RSPO2: variants seen among roughly 807,000 people sequenced by gnomAD.
RSPO2 encodes the protein R-spondin 2.
RSPO2 carries 14 observed loss-of-function variants against 30.9 expected under a neutral mutation model. That is an observed-to-expected ratio of 0.45 (90% confidence interval 0.30 to 0.71). RSPO2 has a LOEUF of 0.71. RSPO2 is among the 30% of genes least tolerant of loss of function. RSPO2 has a pLI of 0.08. For missense variants in RSPO2, 264 were observed against 301.9 expected, an observed-to-expected ratio of 0.87 and a Z score of 0.93; for synonymous variants, 107 against 96.4, an observed-to-expected ratio of 1.11 and a Z score of -0.64.
At chr8:107,985,383 A>G (rs1814587500) in intron 3 of RSPO2, among the ~76,000 whole-genome samples, 2 of 152,180 alleles carry the variant, frequency 1.3e-5, no homozygotes, top group South Asian at 4.1e-4. Context: ...ACTGCTTATA[A>G]TCATGAAAAA....
intron 5 of RSPO2, among the ~76,000 whole-genome samples, chr8:107,948,867 A>AAATAAATG (rs1813150318): frequency 3.0e-5 from 1 of 33,682 alleles, no homozygotes; most frequent in Non-Finnish European, 1.2e-4. Flanking sequence ...CTCAAAAAAA[A>AAATAAATG]AATAAATAAA....
chr8:108,072,980 A>G (rs1812904780), intron 2 of RSPO2: 1 of 152,248 alleles, frequency 6.6e-6, no homozygotes, highest in Non-Finnish European at 1.5e-5. Flanking sequence ...AAAATAAAAT[A>G]AAACCCACTG....
chr8:107,961,202 T>A (rs1813614571), intron 3 of RSPO2, among the ~76,000 whole-genome samples: 1 of 152,200 alleles, frequency 6.6e-6, no homozygotes, highest in South Asian at 2.1e-4. Context: ...AACACTGTAA[T>A]AAGTGTTTGT....
intron 5 of RSPO2, among the ~76,000 whole-genome samples, chr8:107,954,874 G>A (rs962460311): frequency 6.6e-6 from 1 of 151,446 alleles, no homozygotes; most frequent in Non-Finnish European, 1.5e-5. Flanking sequence ...CTCCCAAAAT[G>A]CTGGGATTAC....
intron 3 of RSPO2, chr8:107,983,037 G>C (rs1814504879): frequency 9.6e-7 from 1 of 1,045,822 alleles, no homozygotes. Flanking sequence ...CTGCGGCTGT[G>C]TCACGCTCCC....
intron 2 of RSPO2, among the ~76,000 whole-genome samples, chr8:108,080,365 C>A (rs1813155946): frequency 6.6e-6 from 1 of 151,788 alleles, no homozygotes; most frequent in Non-Finnish European, 1.5e-5. Context: ...TTTTTTTTTA[C>A]ACCCTTACCA....
chr8:108,005,670 T>G lies in RSPO2; in HGVS notation c.95-16426A>C, dbSNP rs529482162. On this transcript the variant is annotated intron_variant, in intron 2 of 5. Coordinates refer to ENST00000276659, the MANE Select transcript of RSPO2 (RefSeq NM_178565.5). ...GTAAGAGCTCTCCAAAATATTGTAG[T>G]TTTTAAGTTGTATTTTATGTGCATA... 4.6e-5 allele frequency among the ~76,000 whole-genome samples: 7 copies of G among 152,262 alleles called. No individual in the cohort carries two copies. The South Asian group carries it at 1.5e-3, about 32-fold the overall frequency.
At chr8:108,041,205 A>C (rs1348555538) in intron 2 of RSPO2, among the ~76,000 whole-genome samples, 2 of 72,516 alleles carry the variant, frequency 2.8e-5, no homozygotes, top group South Asian at 7.0e-4. Flanking sequence ...AAAAGTGGCA[A>C]AAAAAAAAAA....
At chr8:108,006,289 C>CAA (rs1418968838) in intron 2 of RSPO2, among the ~76,000 whole-genome samples, 1 of 151,694 alleles carries the variant, frequency 6.6e-6, no homozygotes, top group East Asian at 1.9e-4. Flanking sequence ...ACAACATGTA[C>CAA]AAAAGGATAT....
At chr8:107,920,738 A>C (rs1444801280) in intron 5 of RSPO2, among the ~76,000 whole-genome samples, 1 of 152,172 alleles carries the variant, frequency 6.6e-6, no homozygotes, top group Non-Finnish European at 1.5e-5. Context: ...ATATGAATGC[A>C]TAATGTTATT....
At chr8:107,929,174 A>C (rs1276627215) in intron 5 of RSPO2, among the ~76,000 whole-genome samples, 1 of 152,200 alleles carries the variant, frequency 6.6e-6, no homozygotes, top group Non-Finnish European at 1.5e-5. Context: ...GATGGGATCC[A>C]TTTTACATCC....
chr8:108,077,211 A>G (rs1291043816), intron 2 of RSPO2, among the ~76,000 whole-genome samples: 2 of 152,154 alleles, frequency 1.3e-5, no homozygotes, highest in Non-Finnish European at 2.9e-5. Context: ...TAAAAGGGTG[A>G]AGGTAGAAGC....
At chr8:107,943,611 C>T (rs1485503553) in intron 5 of RSPO2, among the ~76,000 whole-genome samples, 1 of 152,172 alleles carries the variant, frequency 6.6e-6, no homozygotes, top group Non-Finnish European at 1.5e-5. Flanking sequence ...CTGGTAATGG[C>T]AACACAGAGT....
chr8:107,910,140 A>T (rs530504251), intron 5 of RSPO2, among the ~76,000 whole-genome samples: 697 of 152,318 alleles, frequency 4.6e-3, no homozygotes, highest in African/African-American at 0.013. Context: ...CTGACTTCAT[A>T]CTATAACGGA....
intron 2 of RSPO2, among the ~76,000 whole-genome samples, chr8:107,991,789 A>C (rs1814855737): frequency 6.6e-6 from 1 of 152,238 alleles, no homozygotes; most frequent in South Asian, 2.1e-4. Flanking sequence ...GAAAAAACTC[A>C]ACATCACTGA....
intron 3 of RSPO2, among the ~76,000 whole-genome samples, chr8:107,984,658 T>C (rs1448722143): frequency 6.6e-6 from 1 of 152,224 alleles, no homozygotes; most frequent in Non-Finnish European, 1.5e-5. Context: ...TAATGCATCA[T>C]TTGAAAATAC....
chr8:108,031,183 T>G (rs1279190191), intron 2 of RSPO2, among the ~76,000 whole-genome samples: 2 of 152,224 alleles, frequency 1.3e-5, no homozygotes, highest in Admixed American at 1.3e-4. Context: ...AATCATGGTG[T>G]TATAGGCTTG....
chr8:108,020,533 C>A (rs1478728820), intron 2 of RSPO2, among the ~76,000 whole-genome samples: 1 of 152,212 alleles, frequency 6.6e-6, no homozygotes, highest in Non-Finnish European at 1.5e-5. Context: ...TTTGTTTCTG[C>A]TCATCACTAC....
At chr8:108,007,071 T>C (rs1048236501) in intron 2 of RSPO2, among the ~76,000 whole-genome samples, 1 of 152,182 alleles carries the variant, frequency 6.6e-6, no homozygotes, top group Admixed American at 6.5e-5. Context: ...GTTGTCTATA[T>C]TCCTATTTCT....
Sources: gnomAD v4.1 joint callset for allele counts (sites outside exome capture counted in the v4.1 genomes callset) on GRCh38, gnomAD v4.1.1 for gene constraint, MANE v1.5 for transcripts, NCBI Gene and HGNC (gene_info 2026-07-23, HGNC 2026-07-21) for gene names.